NIF3L1: variants seen among roughly 807,000 people sequenced by gnomAD.
The protein encoded by NIF3L1 is NGG1 interacting factor 3 like 1.
A neutral mutation model predicts 35.0 loss-of-function variants in NIF3L1; 26 were observed. The observed-to-expected ratio is 0.74, with a 90% CI of 0.54 to 1.03. NIF3L1 has a LOEUF of 1.03. Ranked by LOEUF, NIF3L1 falls within the 50% of genes least tolerant of loss-of-function variation. NIF3L1 has a pLI of 0.00. For missense variants in NIF3L1, 449 were observed against 466.3 expected (o/e 0.96, Z 0.34); for synonymous variants, 157 against 178.9 (o/e 0.88, Z 0.98).
chr2:200,902,337 G>GCGGGCAGATCACTTGAGC (rs1479402194), intron 6 of NIF3L1, among the ~76,000 whole-genome samples: 3 of 152,196 alleles, frequency 2.0e-5, no homozygotes. Context: ...GGAGGCTGAG[G>GCGGGCAGATCACTTGAGC]CGGGCAGATC....
intron 4 of NIF3L1, 55 bp downstream of exon 4, chr2:200,895,445 AGTATAATTGAG>A (rs1359105001): frequency 4.8e-5 from 75 of 1,564,492 alleles, no homozygotes; most frequent in Non-Finnish European, 6.2e-5. Flanking sequence ...ATTTTCTAAC[AGTATAATTGAG>A]GTATAATTGA....
At chr2:200,903,449 AT>A (rs1264411061) in intron 6 of NIF3L1, 44 bp from the exon 7 acceptor site, 1 of 1,507,268 alleles carries the variant, frequency 6.6e-7, no homozygotes, top group Admixed American at 1.7e-5. Flanking sequence ...CATTCCACAG[AT>A]TCCATATTTA....
chr2:200,892,028 G>A lies in NIF3L1; in HGVS notation c.85G>A (p.Asp29Asn). The A allele has an allele frequency of 6.2e-7, 1 of 1,613,996 alleles. No homozygotes were observed. The highest frequency in any genetic ancestry group is 8.5e-7 in the Non-Finnish European group (1 of 1,179,878). ...CTGCAATTCTTCCCGTTCCTTCATG[G>A]ATTTGAAGGCTCTCCTTTCTTCCTT... is the stretch of plus-strand genomic sequence containing the variant. Reference protein sequence around the residue: ...LICNSSRSFMDLKALLSSLND... With the variant: ...LICNSSRSFMNLKALLSSLND... The change falls in exon 2 of 7, where the codon GAT becomes AAT. Residue 29 changes from aspartate (D) to asparagine (N), a missense_variant. Coordinates refer to ENST00000409020, the MANE Select transcript of NIF3L1 (RefSeq NM_001369441.2).
intron 5 of NIF3L1, among the ~76,000 whole-genome samples, chr2:200,898,655 GA>G (rs1224610863): frequency 6.6e-6 from 1 of 152,158 alleles, no homozygotes; most frequent in Non-Finnish European, 1.5e-5. Flanking sequence ...CCCCCTCTTT[GA>G]GATACCCTGC....
chr2:200,893,897 G>A, intron 3 of NIF3L1, among the ~76,000 whole-genome samples: 1 of 152,062 alleles, frequency 6.6e-6, no homozygotes, highest in Non-Finnish European at 1.5e-5. Context: ...CTCCCAGGCT[G>A]GGCACGGTGG....
At chr2:200,891,830 C>T (rs998823396) in intron 1 of NIF3L1, 88 bp from the exon 2 acceptor site, 31 of 766,994 alleles carry the variant, frequency 4.0e-5, no homozygotes, top group Admixed American at 8.5e-5. Context: ...ATCTCTATGA[C>T]GACAGCTCTT....
At chr2:200,897,039 A>C in intron 4 of NIF3L1, 37 bp from the exon 5 acceptor site, 11 of 1,607,268 alleles carry the variant, frequency 6.8e-6, no homozygotes, top group Non-Finnish European at 9.4e-6. Flanking sequence ...TTTAGGACTA[A>C]CAATGCACAC....
At chr2:200,895,964 G>A (rs113691423) in intron 4 of NIF3L1, among the ~76,000 whole-genome samples, 46 of 146,024 alleles carry the variant, frequency 3.2e-4, no homozygotes, top group African/African-American at 1.0e-3. Context: ...TACTTTATCC[G>A]TTTGCCACCC....
Position 200,892,363 on chromosome 2 carries a change from G to A in NIF3L1, c.420G>A (p.Trp140Ter). 6.3e-7 allele frequency: 1 copy of A among 1,599,390 alleles called. No homozygotes were observed. The highest frequency in any genetic ancestry group is 8.5e-7 in the Non-Finnish European group (1 of 1,173,954). ...YDAAPQGVNN[W>*]LAKGLGACTS... is the part of the protein sequence containing the mutation. The stretch of plus-strand genomic sequence containing the variant: ...CTGCGCCCCAGGGCGTCAACAACTG[G>A]TTGGCTAAAGGGCTTGGTGAGAAGC... Residue 140 changes from tryptophan (W) to a stop codon, truncating the protein, a stop_gained, in exon 2 of 7, where the codon TGG becomes TGA. Coordinates refer to ENST00000409020, the MANE Select transcript of NIF3L1 (RefSeq NM_001369441.2). LOFTEE classifies it high-confidence loss of function.
At chr2:200,895,439 T>C (rs74383937) in intron 4 of NIF3L1, 49 bp downstream of exon 4, 30,901 of 1,585,048 alleles carry the variant, frequency 0.019, 375 homozygotes, top group Non-Finnish European at 0.023. Flanking sequence ...GCACACATTT[T>C]CTAACAGTAT....
intron 4 of NIF3L1, among the ~76,000 whole-genome samples, chr2:200,896,551 C>T (rs2040318075): frequency 6.6e-6 from 1 of 152,154 alleles, no homozygotes; most frequent in Non-Finnish European, 1.5e-5. Flanking sequence ...TGTGCTGCTG[C>T]AACTGTAGCA....
intron 6 of NIF3L1, among the ~76,000 whole-genome samples, chr2:200,903,227 T>A (rs2040437177): frequency 6.6e-6 from 1 of 152,166 alleles, no homozygotes. Context: ...AGTCTAGCAC[T>A]CCTTAGCTCA....
At chr2:200,889,820 G>A (rs1296480873) in intron 1 of NIF3L1, among the ~76,000 whole-genome samples, 168 bp downstream of exon 1, 1 of 152,238 alleles carries the variant, frequency 6.6e-6, no homozygotes, top group Admixed American at 6.5e-5. Context: ...CACAGGATAA[G>A]TCATTTACCT....
intron 1 of NIF3L1, chr2:200,890,595 A>G (rs2040161598): frequency 6.6e-6 from 1 of 152,244 alleles, no homozygotes; most frequent in Non-Finnish European, 1.5e-5. Context: ...GGTAAGTTTA[A>G]GAATGGGGTT....
chr2:200,899,699 C>G (rs763681461), intron 6 of NIF3L1, among the ~76,000 whole-genome samples: 33 of 152,276 alleles, frequency 2.2e-4, no homozygotes, highest in Non-Finnish European at 4.9e-4. Flanking sequence ...ATTTTACCTA[C>G]ATTCTTCCTA....
At chr2:200,893,501 A>T in intron 3 of NIF3L1, 93 bp downstream of exon 3, 1 of 1,242,870 alleles carries the variant, frequency 8.0e-7, no homozygotes, top group South Asian at 1.3e-5. Flanking sequence ...CTTGAAACAA[A>T]TAGTTTTCTC....
intron 1 of NIF3L1, 73 bp downstream of exon 1, chr2:200,889,725 C>A (rs1275961784): frequency 6.6e-6 from 1 of 152,492 alleles, no homozygotes; most frequent in Non-Finnish European, 1.5e-5. Context: ...ACAGTGCTTA[C>A]TCTAGGACGG....
intron 6 of NIF3L1, among the ~76,000 whole-genome samples, chr2:200,901,221 C>G (rs1402421636): frequency 6.6e-6 from 1 of 152,114 alleles, no homozygotes; most frequent in African/African-American, 2.4e-5. Flanking sequence ...TTTTCTGATC[C>G]ATATCCAGCC....
Position 200,891,898 on chromosome 2 carries a change from T to C in NIF3L1, c.-26-20T>C. 7.0e-7 allele frequency: 1 copy of C among 1,436,912 alleles called. No homozygotes were observed. Among genetic ancestry groups the C allele is most frequent in the Non-Finnish European group, 9.5e-7 (1 of 1,055,370 alleles). The allele number at this position is 1,436,912 out of a possible 1,614,324, so 89.0% of individuals were successfully genotyped here. On this transcript the variant is annotated intron_variant, in intron 1 of 6. Coordinates refer to ENST00000409020, the MANE Select transcript of NIF3L1 (RefSeq NM_001369441.2). ...GGCCTAAAGTATACCTGTGTACCAT[T>C]TTCTTTGTTTTGACATCAGAAACTT... is the stretch of plus-strand genomic sequence containing the variant.
Sources: allele counts gnomAD v4.1 joint callset (sites outside exome capture counted in the v4.1 genomes callset), GRCh38; gene constraint gnomAD v4.1.1; transcripts MANE v1.5; gene names NCBI Gene and HGNC (gene_info 2026-07-23, HGNC 2026-07-21).